ZAN: variants seen among roughly 807,000 people sequenced by gnomAD.
The protein encoded by ZAN is zonadhesin.
Under a neutral mutation model 286.2 loss-of-function variants are expected in ZAN, and 260 were observed. That is an observed-to-expected ratio of 0.91 (90% CI 0.82 to 1.01). The LOEUF is 1.01. Among genes scored for constraint, ZAN ranks in the 50% least tolerant of loss-of-function variants. The pLI is 0.00. For synonymous variants in ZAN, 1,368 were observed against 1,417.5 expected, an observed-to-expected ratio of 0.97 and a Z score of 0.79; for missense variants, 3,410 against 3,639.2, an observed-to-expected ratio of 0.94 and a Z score of 1.62.
In ZAN at chr7:100,779,535, G is replaced by A. The variant is rs1195501837; in HGVS notation, c.6407G>A (p.Arg2136Lys). 6.2e-7 allele frequency: 1 copy of A among 1,612,458 alleles called. No homozygotes were observed. The highest frequency in any genetic ancestry group is 2.2e-5 in the East Asian group (1 of 44,838). ...AACTGCAGGGCGGCCGACCTCCGCA[G>A]GGCGCGGGAAAAGTGCGAGGCAGCG... ...SGNCRAADLR[R>K]AREKCEAALR... Residue 2136 changes from arginine to lysine, a missense_variant, in exon 35 of 48, where the codon AGG becomes AAG. Transcript: ENST00000613979.
At chr7:100,760,559 C>T (rs1398505691) in intron 19 of ZAN, 23 bp downstream of exon 19, 2 of 1,608,860 alleles carry the variant, frequency 1.2e-6, no homozygotes, top group Admixed American at 1.7e-5. Flanking sequence ...CCCAGCCAGG[C>T]AGCTGCCACT....
intron 40 of ZAN, 28 bp from the exon 41 acceptor site, chr7:100,791,938 C>T: frequency 1.9e-6 from 3 of 1,594,246 alleles, no homozygotes; most frequent in Non-Finnish European, 2.6e-6. Flanking sequence ...TGGGGCCTCA[C>T]CTGACCCCGT....
At chr7:100,746,887 G>GT (rs1451392057) in intron 8 of ZAN, among the ~76,000 whole-genome samples, 185 bp downstream of exon 8, 1 of 152,096 alleles carries the variant, frequency 6.6e-6, no homozygotes, top group Non-Finnish European at 1.5e-5. Context: ...GGATCACGAG[G>GT]TCAGGAGATC....
chr7:100,743,264 C>G (rs1314360014), intron 7 of ZAN, among the ~76,000 whole-genome samples: 1 of 151,978 alleles, frequency 6.6e-6, no homozygotes, highest in Non-Finnish European at 1.5e-5. Flanking sequence ...ACCTCGTGAT[C>G]CACCCACTTG....
intron 7 of ZAN, among the ~76,000 whole-genome samples, chr7:100,742,987 G>A (rs1175048079): frequency 7.9e-6 from 1 of 127,196 alleles, no homozygotes; most frequent in Non-Finnish European, 1.7e-5. Flanking sequence ...AGGCTGTTTA[G>A]GAGGCTTTTG....
chr7:100,769,997 C>T (rs1238717851), intron 28 of ZAN, 23 bp downstream of exon 28: 1 of 1,549,894 alleles, frequency 6.5e-7, no homozygotes, highest in Non-Finnish European at 8.7e-7. Context: ...CCTGCTGGCC[C>T]TTTTTCCTCC....
At position 100,767,337 on chromosome 7, in the gene ZAN, G is replaced by C. The variant is rs947505465; in HGVS notation, c.4860+80G>C. On this transcript the variant is annotated intron_variant, in intron 25 of 47. Transcript: ENST00000613979. ...CTCCTGTGCCCCTCCTTGCCCGGAT[G>C]CCCACCTCTCTGGCTCCTTAGAGCA... The C allele has an allele frequency of 7.2e-6, 11 of 1,538,402 alleles. No individual in the cohort carries two copies. The African/African-American group carries it at 1.2e-4, about 17-fold the overall frequency.
At chr7:100,790,913 C>T (rs1321115619) in intron 39 of ZAN, 29 bp from the exon 40 acceptor site, 2 of 1,504,226 alleles carry the variant, frequency 1.3e-6, no homozygotes, top group Non-Finnish European at 9.0e-7. Context: ...TGAGGAGTCT[C>T]ACTTCTGGGG....
chr7:100,745,582 C>T (rs1421371859), intron 7 of ZAN, among the ~76,000 whole-genome samples: 1 of 146,322 alleles, frequency 6.8e-6, no homozygotes, highest in Non-Finnish European at 1.5e-5. Flanking sequence ...TTATGTCCAG[C>T]GGGTAAAGAA....
intron 37 of ZAN, among the ~76,000 whole-genome samples, chr7:100,786,372 G>C (rs1811567085): frequency 1.3e-5 from 2 of 152,088 alleles, no homozygotes; most frequent in Admixed American, 6.6e-5. Context: ...AAAAAGAGGG[G>C]ACTGGTCAAG....
rs547112366 is a variant in ZAN at position 100,759,714 on chromosome 7, T to G, written c.3572-7T>G. On this transcript the variant is annotated splice_region_variant and splice_polypyrimidine_tract_variant and intron_variant, in intron 17 of 47. Coordinates refer to ENST00000613979, the MANE Select transcript of ZAN (RefSeq NM_003386.3). Reference sequence around the variant, plus strand: ...ACTGGGCTCTCTTCATTCCTCTCCCTACCCAGACCCATTCTTCAGGGTGAC... The same window carrying G: ...ACTGGGCTCTCTTCATTCCTCTCCCGACCCAGACCCATTCTTCAGGGTGAC... 7.8e-5 allele frequency: 123 copies of G among 1,580,554 alleles called. 1 individual carries two copies. The East Asian group carries it at 2.7e-3, about 35-fold the overall frequency.
chr7:100,783,704 A>C (rs1205112124), intron 35 of ZAN, among the ~76,000 whole-genome samples: 2 of 121,468 alleles, frequency 1.6e-5, no homozygotes, highest in Non-Finnish European at 3.3e-5. Context: ...TGGGTGTCAG[A>C]GAGAGACTCC....
chr7:100,768,058 C>G, intron 26 of ZAN, 47 bp downstream of exon 26: 1 of 1,570,654 alleles, frequency 6.4e-7, no homozygotes, highest in Non-Finnish European at 8.6e-7. Context: ...AATGAGTAGG[C>G]GTGTGACCTG....
Position 100,786,171 on chromosome 7 carries a change from G to A in ZAN, c.6979+30G>A, listed in dbSNP as rs760853045. ...GGGGAGCGACCGGGGAGGTTGGAGA[G>A]GGGAGCACCTGTGGCCAGGGCGGAG... On this transcript the variant is annotated intron_variant, in intron 37 of 47. Transcript: ENST00000613979. 6.0e-5 allele frequency: 97 copies of A among 1,612,810 alleles called. 1 individual carries two copies. The South Asian group carries it at 9.6e-4, about 16-fold the overall frequency.
chr7:100,735,628 C>A (rs558376646), intron 2 of ZAN, 92 bp from the exon 3 acceptor site: 2 of 998,824 alleles, frequency 2.0e-6, no homozygotes, highest in Non-Finnish European at 3.0e-6. Flanking sequence ...ATCATCCTTA[C>A]GTGACCACTC....
chr7:100,770,391 C>A (rs1810292821), intron 28 of ZAN, among the ~76,000 whole-genome samples: 3 of 150,030 alleles, frequency 2.0e-5, no homozygotes, highest in Non-Finnish European at 4.4e-5. Flanking sequence ...GTAGTCCCAG[C>A]TACTTGGGAG....
In ZAN at chr7:100,794,158, G is replaced by A. The variant is rs1252637257; in HGVS notation, c.8025G>A (p.Arg2675=). The part of the protein sequence containing the change: ...SSFLTEDCSQ[R]CTCASSRILL... ...TTCTGACTGAGGACTGCTCTCAGCG[G>A]TGCACCTGTGCCAGCTCACGGATCC... The change falls in exon 44 of 48, where the codon CGG becomes CGA. Residue 2675 remains arginine (R), a synonymous_variant. Coordinates refer to ENST00000613979, the MANE Select transcript of ZAN (RefSeq NM_003386.3). 5.0e-6 allele frequency: 8 copies of A among 1,613,910 alleles called. No homozygotes were observed. Among genetic ancestry groups the A allele is most frequent in the South Asian group, 1.1e-5 (1 of 91,092 alleles).
chr7:100,747,773 T>C (rs1191446235), intron 9 of ZAN, 132 bp downstream of exon 9: 15 of 902,980 alleles, frequency 1.7e-5, no homozygotes, highest in Non-Finnish European at 1.9e-5. Flanking sequence ...GGAGGATCGC[T>C]TCAGGACAGG....
Position 100,752,098 on chromosome 7 carries a change from A to G in ZAN, c.1993A>G (p.Thr665Ala). ...TVPTEEPTTPTEETTTSMEEP... is the reference protein window; with the variant it reads ...TVPTEEPTTPAEETTTSMEEP... ...CCCCACAGAAGAGCCCACCACCCCCACTGAGGAGACCACCACCTCCATGGA... is the reference window on the plus strand; with the variant it reads ...CCCCACAGAAGAGCCCACCACCCCCGCTGAGGAGACCACCACCTCCATGGA... Residue 665 changes from threonine (T) to alanine (A), a missense_variant, in exon 14 of 48, where the codon ACT becomes GCT. Physicochemically the swap from Thr to Ala is moderately conservative, Grantham distance 58. This residue lies in a region of ZAN where 872 missense variants were observed against 938.9 expected (regional missense o/e 0.93). Transcript: ENST00000613979. The G allele has an allele frequency of 6.2e-7, 1 of 1,609,910 alleles. No individual in the cohort carries two copies. Among genetic ancestry groups the G allele is most frequent in the Non-Finnish European group, 8.5e-7 (1 of 1,179,156 alleles).
Sources: gnomAD v4.1 joint callset for allele counts (sites outside exome capture counted in the v4.1 genomes callset) on GRCh38, gnomAD v4.1.1 for gene constraint, gnomAD v4.1.1 regional missense constraint, MANE v1.5 for transcripts, NCBI Gene and HGNC (gene_info 2026-07-23, HGNC 2026-07-21) for gene names.